Variants in PCDH11X observed in about 807,000 individuals in gnomAD.
PCDH11X encodes protocadherin-11 X-linked.
A neutral mutation model predicts 53.3 loss-of-function variants in PCDH11X; 18 were observed. The observed-to-expected ratio is 0.34, with a 90% CI of 0.23 to 0.50. The LOEUF is 0.50. PCDH11X is among the 20% of genes least tolerant of loss of function. The pLI is 0.98. For missense variants in PCDH11X, 570 were observed against 1,032.4 expected, an observed-to-expected ratio of 0.55 and a Z score of 6.14; for synonymous variants, 279 against 393.3, an observed-to-expected ratio of 0.71 and a Z score of 3.44.
chrX:92,051,785 T>C (rs1377028397), intron 6 of PCDH11X, among the ~76,000 whole-genome samples: 3 of 111,037 alleles, frequency 2.7e-5, no homozygotes, highest in East Asian at 2.8e-4. Context: ...AAAAAGAACA[T>C]TTTTGATAGT....
chrX:91,958,222 G>A (rs1255485099), intron 6 of PCDH11X, among the ~76,000 whole-genome samples: 1 of 112,201 alleles, frequency 8.9e-6, no homozygotes, highest in East Asian at 2.8e-4. Flanking sequence ...TGCTGCCATT[G>A]GCTAGCTGGG....
At chrX:92,205,551 A>G (rs191681128) in intron 7 of PCDH11X, among the ~76,000 whole-genome samples, 15 of 110,008 alleles carry the variant, frequency 1.4e-4, no homozygotes, top group Non-Finnish European at 2.8e-4. Context: ...ATTAGACATT[A>G]TAATATAACA....
rs570033934 is a variant in PCDH11X at position 92,013,644 on chromosome X, T to C, written c.3033+134371T>C. ...CTGACTTCAAACTATACTACAAGGC[T>C]ACAGTAACCAAAACAGCATGGTATT... On this transcript the variant is annotated intron_variant, in intron 6 of 10. Coordinates refer to ENST00000682573, the MANE Select transcript of PCDH11X (RefSeq NM_032968.5). 3.6e-5 allele frequency among the ~76,000 whole-genome samples: 4 copies of C among 111,714 alleles called. No homozygotes were observed. In the South Asian group the frequency reaches 1.5e-3, roughly 42 times the overall value.
intron 6 of PCDH11X, among the ~76,000 whole-genome samples, chrX:92,075,141 G>A (rs770721736): frequency 9.2e-6 from 1 of 108,853 alleles, no homozygotes; most frequent in South Asian, 4.1e-4. Context: ...TGCAATACTG[G>A]ATTCTAGATT....
In PCDH11X at chrX:92,311,070, A is replaced by G. The variant is rs192185463; in HGVS notation, c.3144+47927A>G. 4.6e-3 allele frequency among the ~76,000 whole-genome samples: 510 copies of G among 111,971 alleles called. 1 individual carries two copies. Among genetic ancestry groups the G allele is most frequent in the African/African-American group, 0.016 (489 of 30,871 alleles). ...TTCCAGTTTATCTAATTTCTATTAGATGAGAAACGGATGGAGAATAACTTT... is the reference window on the plus strand; with the variant it reads ...TTCCAGTTTATCTAATTTCTATTAGGTGAGAAACGGATGGAGAATAACTTT... On this transcript the variant is annotated intron_variant, in intron 8 of 10. Transcript: ENST00000682573.
At chrX:92,119,880 G>C in intron 6 of PCDH11X, among the ~76,000 whole-genome samples, 1 of 110,112 alleles carries the variant, frequency 9.1e-6, no homozygotes, top group Admixed American at 9.8e-5. Context: ...TTAAACAAGA[G>C]GCTTTTACCC....
At chrX:92,531,665 T>A (rs1456501472) in intron 10 of PCDH11X, among the ~76,000 whole-genome samples, 2 of 108,813 alleles carry the variant, frequency 1.8e-5, no homozygotes, top group Non-Finnish European at 3.8e-5. Flanking sequence ...TGAAAAATAT[T>A]AATATTAAGT....
chrX:92,558,101 A>G, intron 10 of PCDH11X, among the ~76,000 whole-genome samples: 1 of 110,926 alleles, frequency 9.0e-6, no homozygotes, highest in Non-Finnish European at 1.9e-5. Context: ...CCCACAGCAT[A>G]TGGAGATTAT....
chrX:91,792,615 G>A (rs944981458), intron 1 of PCDH11X, among the ~76,000 whole-genome samples: 1 of 110,663 alleles, frequency 9.0e-6, no homozygotes, highest in Non-Finnish European at 1.9e-5. Context: ...GATCACAAAA[G>A]AATTAGTAAG....
intron 6 of PCDH11X, among the ~76,000 whole-genome samples, chrX:91,930,548 C>CAT (rs1183656942): frequency 5.0e-4 from 51 of 101,861 alleles, no homozygotes; most frequent in African/African-American, 1.7e-3. Flanking sequence ...CATATATACA[C>CAT]ATATATATAC....
intron 8 of PCDH11X, among the ~76,000 whole-genome samples, chrX:92,344,432 G>C (rs1226555618): frequency 4.9e-4 from 49 of 100,483 alleles, no homozygotes; most frequent in African/African-American, 1.7e-3. Context: ...TGTATCTTCT[G>C]TCTCAGTCTG....
intron 6 of PCDH11X, among the ~76,000 whole-genome samples, chrX:92,101,015 AG>A (rs1319052526): frequency 8.9e-6 from 1 of 111,879 alleles, no homozygotes; most frequent in Non-Finnish European, 1.9e-5. Flanking sequence ...AAGAATTGGG[AG>A]GACCTAGGAC....
chrX:92,008,278 G>T (rs766040989), intron 6 of PCDH11X, among the ~76,000 whole-genome samples: 1,568 of 110,767 alleles, frequency 0.014, 36 homozygotes, highest in African/African-American at 0.049. Flanking sequence ...TTGAGACAGA[G>T]TGTGGTAGCC....
At chrX:92,475,164 CAAAAAA>C (rs761171281) in intron 10 of PCDH11X, among the ~76,000 whole-genome samples, 6 of 30,539 alleles carry the variant, frequency 2.0e-4, no homozygotes, top group East Asian at 3.2e-3. Context: ...GACTCCGTCT[CAAAAAA>C]AAAAAAAAAA....
intron 5 of PCDH11X, among the ~76,000 whole-genome samples, chrX:91,840,865 C>A (rs746560014): frequency 9.2e-6 from 1 of 108,666 alleles, no homozygotes; most frequent in Non-Finnish European, 1.9e-5. Context: ...AGAAAACTTA[C>A]TTAGTTTATT....
intron 8 of PCDH11X, chrX:92,288,123 G>A (rs1260833216): frequency 1.2e-5 from 5 of 420,674 alleles, no homozygotes; most frequent in African/African-American, 2.5e-5. Flanking sequence ...AGCTGTGTGA[G>A]AACAGACTAA....
intron 7 of PCDH11X, among the ~76,000 whole-genome samples, chrX:92,213,797 CCA>C (rs1451072138): frequency 8.9e-6 from 1 of 112,003 alleles, no homozygotes; most frequent in Non-Finnish European, 1.9e-5. Flanking sequence ...TTTATATCTA[CCA>C]GTTATTAGGC....
At chrX:92,368,098 G>C (rs904340018) in intron 8 of PCDH11X, among the ~76,000 whole-genome samples, 1 of 100,852 alleles carries the variant, frequency 9.9e-6, no homozygotes, top group African/African-American at 3.7e-5. Flanking sequence ...TTCCCAACTT[G>C]GTTCCATTTT....
chrX:92,124,048 C>T (rs2064818463), intron 6 of PCDH11X, among the ~76,000 whole-genome samples: 1 of 111,681 alleles, frequency 9.0e-6, no homozygotes, highest in African/African-American at 3.3e-5. Context: ...ACCCACCATA[C>T]TTCTCATACT....
Sources: gnomAD v4.1 joint callset for allele counts (sites outside exome capture counted in the v4.1 genomes callset) on GRCh38, gnomAD v4.1.1 for gene constraint, MANE v1.5 for transcripts, NCBI Gene and HGNC (gene_info 2026-07-23, HGNC 2026-07-21) for gene names.